WDFY3: variants seen among roughly 807,000 people sequenced by gnomAD.
The protein encoded by WDFY3 is WD repeat and FYVE domain-containing protein 3.
WDFY3 carries 66 observed loss-of-function variants against 409.6 expected under a neutral mutation model. That is an observed-to-expected ratio of 0.16 (90% CI 0.13 to 0.20). WDFY3 has a LOEUF of 0.20. Ranked by LOEUF, WDFY3 falls within the 10% of genes least tolerant of loss-of-function variation. The pLI, the probability that WDFY3 is intolerant of heterozygous loss-of-function variation, is 1.00. For missense variants in WDFY3, 3,031 were observed against 4,298.1 expected (o/e 0.71, Z 8.24); for synonymous variants, 1,521 against 1,537.1 (o/e 0.99, Z 0.25).
intron 30 of WDFY3, 106 bp from the exon 31 acceptor site, chr4:84,766,478 AT>A (rs1316542942): frequency 8.6e-7 from 1 of 1,167,420 alleles, no homozygotes; most frequent in Non-Finnish European, 1.2e-6. Context: ...TTTAGAAAAC[AT>A]TTTCTCCAGG....
At chr4:84,912,662 A>G (rs766553331) in intron 2 of WDFY3, among the ~76,000 whole-genome samples, 2 of 152,150 alleles carry the variant, frequency 1.3e-5, no homozygotes, top group Non-Finnish European at 2.9e-5. Context: ...GGCAACAGAC[A>G]AGTTCCCAGA....
intron 3 of WDFY3, among the ~76,000 whole-genome samples, chr4:84,863,756 A>G (rs1760989271): frequency 1.3e-5 from 2 of 152,278 alleles, no homozygotes; most frequent in South Asian, 2.1e-4. Flanking sequence ...ATTCTTCTGC[A>G]TGAGGATATC....
Position 84,841,206 on chromosome 4 carries a change from C to G in WDFY3, c.362G>C (p.Ser121Thr). 2 of 1,613,202 alleles carry G rather than the reference C, an allele frequency of 1.2e-6. No individual in the cohort carries two copies. Among genetic ancestry groups the G allele is most frequent in the Non-Finnish European group, 8.5e-7 (1 of 1,179,836 alleles). ...FLEINQSEEA[S>T]RGWMLLTTIN... ...TGTCGTTAGAAGCATCCAGCCTCTA[C>G]TGGCTTCTTCACTCTGATTAATCTC... The change falls in exon 6 of 68, where the codon AGT (serine) becomes ACT (threonine). Residue 121 changes from serine (S) to threonine (T), a missense_variant. Transcript: ENST00000295888.
intron 19 of WDFY3, 74 bp from the exon 20 acceptor site, chr4:84,795,053 GA>G: frequency 9.8e-7 from 1 of 1,018,938 alleles, no homozygotes; most frequent in Non-Finnish European, 1.3e-6. Flanking sequence ...TTACCACAGT[GA>G]AATAACTGCC....
chr4:84,809,293 C>A (rs968295312), intron 14 of WDFY3: 1 of 152,372 alleles, frequency 6.6e-6, no homozygotes, highest in South Asian at 2.1e-4. Context: ...ATAGCAAGGA[C>A]CAAGACAGCC....
rs559648862 is a variant in WDFY3 at position 84,840,891 on chromosome 4, A to G, written c.414+263T>C. ...CCTCTGAGCCCAGCCACAAATGGTT[A>G]TGTCCTATGTGTGTTACAACATATC... On this transcript the variant is annotated intron_variant, in intron 6 of 67. Coordinates refer to ENST00000295888, the MANE Select transcript of WDFY3 (RefSeq NM_014991.6). 6.8e-4 allele frequency among the ~76,000 whole-genome samples: 103 copies of G among 152,022 alleles called. No homozygotes were observed. In the South Asian group the frequency reaches 7.1e-3, roughly 10 times the overall value.
chr4:84,926,822 C>T (rs969946324), intron 2 of WDFY3, among the ~76,000 whole-genome samples: 7 of 152,092 alleles, frequency 4.6e-5, no homozygotes, highest in Non-Finnish European at 8.8e-5. Flanking sequence ...ACAGACCTTC[C>T]CCTCTGCCAT....
chr4:84,716,818 T>A (rs978627045), intron 49 of WDFY3, 78 bp downstream of exon 49: 5 of 1,222,802 alleles, frequency 4.1e-6, no homozygotes, highest in Non-Finnish European at 4.2e-6. Flanking sequence ...AAATAAAAAA[T>A]AAAAAATAAA....
intron 36 of WDFY3, among the ~76,000 whole-genome samples, chr4:84,750,231 C>T (rs750903995): frequency 3.3e-5 from 5 of 152,072 alleles, no homozygotes; most frequent in Non-Finnish European, 7.4e-5. Context: ...AAAGGGGAGA[C>T]GTTCCATTGG....
At chr4:84,692,766 G>T in intron 59 of WDFY3, 119 bp downstream of exon 59, 1 of 940,232 alleles carries the variant, frequency 1.1e-6, no homozygotes, top group Non-Finnish European at 1.5e-6. Context: ...AACACAAAAT[G>T]TATGGCACTT....
chr4:84,877,249 G>A (rs908743878), intron 3 of WDFY3, among the ~76,000 whole-genome samples: 1 of 152,098 alleles, frequency 6.6e-6, no homozygotes, highest in Non-Finnish European at 1.5e-5. Context: ...CTCTCCTGGG[G>A]GCTCTCCCCG....
intron 3 of WDFY3, among the ~76,000 whole-genome samples, chr4:84,870,097 T>C (rs747243565): frequency 3.9e-5 from 6 of 152,112 alleles, no homozygotes; most frequent in Non-Finnish European, 8.8e-5. Context: ...ACTGAAAAAG[T>C]TGGAAACAGT....
intron 3 of WDFY3, among the ~76,000 whole-genome samples, chr4:84,885,675 T>C (rs2150446317): frequency 6.6e-6 from 1 of 152,352 alleles, no homozygotes; most frequent in African/African-American, 2.4e-5. Flanking sequence ...GGTGTTTTAA[T>C]TTAATTAGTA....
In WDFY3 at chr4:84,834,334, C is replaced by G. The variant is rs1224155779; in HGVS notation, c.576+2595G>C. 2.6e-5 allele frequency among the ~76,000 whole-genome samples: 4 copies of G among 152,198 alleles called. No homozygotes were observed. In the East Asian group the frequency reaches 7.7e-4, roughly 29 times the overall value. ...GTACGATCCTTTCATTTTTACAGAA[C>G]AGAAAACTGTAAAGTCAATTTCTCA... On this transcript the variant is annotated intron_variant, in intron 7 of 67. Transcript: ENST00000295888.
intron 1 of WDFY3, 31 bp from the exon 2 acceptor site, chr4:84,932,394 T>G (rs1385124683): frequency 6.6e-6 from 1 of 152,178 alleles, no homozygotes; most frequent in African/African-American, 2.4e-5. Flanking sequence ...AAAACTCAGT[T>G]TATGTTCAGA....
chr4:84,686,816 C>T (rs775718714), intron 62 of WDFY3, among the ~76,000 whole-genome samples: 10 of 152,252 alleles, frequency 6.6e-5, no homozygotes, highest in South Asian at 2.1e-4. Flanking sequence ...CTTACTAACG[C>T]GATAAGCTTG....
In WDFY3 at chr4:84,737,328, T is replaced by A; in HGVS notation, c.6613A>T (p.Thr2205Ser). Reference sequence around the variant, plus strand: ...TGTTTCTTACTATGTATCAGTTCAGTCCAAACTCTGTTGACAGCTTTTATG... The same window carrying A: ...TGTTTCTTACTATGTATCAGTTCAGACCAAACTCTGTTGACAGCTTTTATG... ...LLIKAVNRVW[T>S]ELIHSKKQVL... The change falls in exon 41 of 68, where the codon ACT becomes TCT. Residue 2205 changes from threonine to serine, a missense_variant. Physicochemically the swap from Thr to Ser is moderately conservative, Grantham distance 58 (BLOSUM62 1). Coordinates refer to ENST00000295888, the MANE Select transcript of WDFY3 (RefSeq NM_014991.6). The A allele has an allele frequency of 6.2e-7, 1 of 1,601,876 alleles. No individual in the cohort carries two copies. Among genetic ancestry groups the A allele is most frequent in the South Asian group, 1.1e-5 (1 of 89,350 alleles).
rs1285051076 is a variant in WDFY3, at chr4:84,786,085, T to C, written c.3956A>G (p.Glu1319Gly). The change falls in exon 24 of 68, where the codon GAG becomes GGG. Residue 1319 changes from glutamate to glycine, a missense_variant. Glu to Gly is a moderately conservative substitution (Grantham distance 98). Around this residue, in one of 16 missense-constraint regions of WDFY3, gnomAD observed 1,322 missense variants for 1,697.9 expected, o/e 0.78. Transcript: ENST00000295888. Reference sequence around the variant, plus strand: ...ATAGAGGCCAAATGACACTTTCTCCTCTGGTACTAATGACACAGGGGATGG... The same window carrying C: ...ATAGAGGCCAAATGACACTTTCTCCCCTGGTACTAATGACACAGGGGATGG... ...VVPSPVSLVP[E>G]EKVSFGLYAL... is the part of the protein sequence containing the mutation. The C allele has an allele frequency of 6.2e-7, 1 of 1,613,716 alleles. No homozygotes were observed. The highest frequency in any genetic ancestry group is 1.3e-5 in the African/African-American group (1 of 74,912).
At chr4:84,787,098 G>A (rs1329521662) in intron 23 of WDFY3, among the ~76,000 whole-genome samples, 1 of 152,188 alleles carries the variant, frequency 6.6e-6, no homozygotes, top group African/African-American at 2.4e-5. Flanking sequence ...CTCATCTAGA[G>A]AATATGTGTG....
Sources: gnomAD v4.1 joint callset for allele counts (sites outside exome capture counted in the v4.1 genomes callset) on GRCh38, gnomAD v4.1.1 for gene constraint, gnomAD v4.1.1 regional missense constraint, MANE v1.5 for transcripts, NCBI Gene and HGNC (gene_info 2026-07-23, HGNC 2026-07-21) for gene names.